The following PALM2AKAP2 variants were observed in gnomAD, a reference collection of about 807,000 sequenced individuals.
PALM2AKAP2 encodes the protein PALM2 and AKAP2 fusion.
A neutral mutation model predicts 71.5 loss-of-function variants in PALM2AKAP2; 37 were observed. The observed-to-expected ratio is 0.52, with a 90% confidence interval of 0.40 to 0.68. PALM2AKAP2 has a LOEUF of 0.68. Ranked by LOEUF, PALM2AKAP2 falls within the 30% of genes least tolerant of loss-of-function variation. The pLI is 0.00. For synonymous variants in PALM2AKAP2, 468 were observed against 478.8 expected (o/e 0.98, Z 0.29); for missense variants, 1,224 against 1,191.8 (o/e 1.03, Z -0.40).
intron 3 of PALM2AKAP2, among the ~76,000 whole-genome samples, chr9:110,160,116 G>T (rs763952718): frequency 7.2e-5 from 11 of 152,122 alleles, no homozygotes; most frequent in Non-Finnish European, 1.5e-4. Context: ...CCTATGCAAG[G>T]CCTTTGTGTG....
chr9:110,034,565 T>C (rs986123074), intron 7 of PALM2AKAP2, among the ~76,000 whole-genome samples: 1 of 151,558 alleles, frequency 6.6e-6, no homozygotes, highest in African/African-American at 2.4e-5. Context: ...ATGCTTTCCC[T>C]ATGGAGAGAA....
upstream of PALM2AKAP2, among the ~76,000 whole-genome samples, chr9:110,045,234 A>G (rs375486485): frequency 4.1e-4 from 62 of 152,338 alleles, 2 homozygotes; most frequent in South Asian, 0.013. Flanking sequence ...CTGTGGGAAC[A>G]TGTAACATTT....
intron 1 of PALM2AKAP2, among the ~76,000 whole-genome samples, chr9:109,697,287 A>T (rs1159290644): frequency 6.6e-6 from 1 of 152,214 alleles, no homozygotes; most frequent in Non-Finnish European, 1.5e-5. Context: ...ATTACCATTT[A>T]TGTTAAAATG....
chr9:109,697,435 G>T (rs972976861), intron 1 of PALM2AKAP2, among the ~76,000 whole-genome samples: 51 of 152,072 alleles, frequency 3.4e-4, no homozygotes, highest in Middle Eastern at 3.4e-3. Context: ...AGTGAATTTT[G>T]CACTATATAC....
chr9:109,763,367 G>A (rs149821500), intron 1 of PALM2AKAP2, among the ~76,000 whole-genome samples: 515 of 152,178 alleles, frequency 3.4e-3, no homozygotes, highest in African/African-American at 0.012. Flanking sequence ...CTGTCGGTAG[G>A]TAAGACCCTG....
At chr9:109,953,618 A>G (rs1252841162) in intron 6 of PALM2AKAP2, among the ~76,000 whole-genome samples, 3 of 152,034 alleles carry the variant, frequency 2.0e-5, no homozygotes, top group Admixed American at 1.3e-4. Context: ...CAGGTGGATC[A>G]TGAGGTCGGA....
intron 1 of PALM2AKAP2, among the ~76,000 whole-genome samples, chr9:109,832,771 C>A (rs575758655): frequency 1.3e-5 from 2 of 152,240 alleles, no homozygotes; most frequent in South Asian, 4.2e-4. Context: ...ACAGATTATC[C>A]GACACAATTT....
intron 6 of PALM2AKAP2, among the ~76,000 whole-genome samples, chr9:109,983,464 C>A (rs561691691): frequency 6.6e-6 from 1 of 152,086 alleles, no homozygotes; most frequent in Non-Finnish European, 1.5e-5. Flanking sequence ...CTCTCTCCCT[C>A]TTCTTTTCCT....
At chr9:110,118,854 C>T (rs940335177) in intron 1 of PALM2AKAP2, among the ~76,000 whole-genome samples, 1 of 152,102 alleles carries the variant, frequency 6.6e-6, no homozygotes, top group South Asian at 2.1e-4. Flanking sequence ...TATAGATACA[C>T]ACATACCTAC....
At chr9:110,024,326 A>C (rs1262041606) in intron 7 of PALM2AKAP2, among the ~76,000 whole-genome samples, 1 of 152,116 alleles carries the variant, frequency 6.6e-6, no homozygotes, top group African/African-American at 2.4e-5. Context: ...TGTTTCTATA[A>C]ATTTGCCTGT....
intron 6 of PALM2AKAP2, among the ~76,000 whole-genome samples, chr9:109,957,844 C>T (rs1588032799): frequency 6.6e-6 from 1 of 152,192 alleles, no homozygotes; most frequent in African/African-American, 2.4e-5. Flanking sequence ...AATGGAGATT[C>T]AGCCAGTGTT....
chr9:109,982,431 G>T (rs1832290324), intron 6 of PALM2AKAP2, among the ~76,000 whole-genome samples: 1 of 152,124 alleles, frequency 6.6e-6, no homozygotes, highest in African/African-American at 2.4e-5. Flanking sequence ...ATAATTTATT[G>T]TACGTTTTAA....
At chr9:109,926,695 T>G (rs1011773851) in intron 5 of PALM2AKAP2, among the ~76,000 whole-genome samples, 2 of 152,168 alleles carry the variant, frequency 1.3e-5, no homozygotes, top group African/African-American at 4.8e-5. Context: ...TTTCACTTTT[T>G]TTTTCCCTTC....
chr9:109,737,066 G>A (rs1200230031), intron 1 of PALM2AKAP2, among the ~76,000 whole-genome samples: 1 of 152,202 alleles, frequency 6.6e-6, no homozygotes, highest in Non-Finnish European at 1.5e-5. Context: ...TTATCGCTAG[G>A]GAGGCATCAT....
intron 6 of PALM2AKAP2, chr9:109,943,321 A>G (rs201406804): frequency 1.2e-5 from 20 of 1,614,102 alleles, no homozygotes; most frequent in Admixed American, 3.3e-5. Context: ...GGTCTCAGAC[A>G]CCACAGAGCC....
chr9:109,851,245 C>T (rs1829009329), intron 1 of PALM2AKAP2, among the ~76,000 whole-genome samples: 1 of 151,512 alleles, frequency 6.6e-6, no homozygotes, highest in African/African-American at 2.4e-5. Context: ...GTGTTTACAG[C>T]CTTGAGTGCC....
rs558113653 is a variant in PALM2AKAP2, at chr9:109,730,703, T to A, written c.6-49785T>A. On this transcript the variant is annotated intron_variant, in intron 1 of 6. Transcript: ENST00000374531. ...TTTATCTCCTTTTATAAGTTTAGGA[T>A]ATGAATAAGAAGAGTCCTTAAGGAA... Among the ~76,000 whole-genome samples, 4 of 152,304 alleles carry A rather than the reference T, an allele frequency of 2.6e-5. No homozygotes were observed. The East Asian group carries it at 7.7e-4, about 29-fold the overall frequency.
chr9:109,723,430 G>A (rs544314923), intron 1 of PALM2AKAP2, among the ~76,000 whole-genome samples: 42 of 152,210 alleles, frequency 2.8e-4, no homozygotes, highest in Non-Finnish European at 3.4e-4. Flanking sequence ...ATGTTACCAG[G>A]TAGCAAAAGA....
chr9:110,022,875 A>G (rs1297265359), intron 7 of PALM2AKAP2, among the ~76,000 whole-genome samples: 1 of 152,130 alleles, frequency 6.6e-6, no homozygotes, highest in African/African-American at 2.4e-5. Flanking sequence ...GATGGTTTCC[A>G]GTTTCATCCA....
Sources: gnomAD v4.1 joint callset for allele counts (sites outside exome capture counted in the v4.1 genomes callset) on GRCh38, gnomAD v4.1.1 for gene constraint, MANE v1.5 for transcripts, NCBI Gene and HGNC (gene_info 2026-07-23, HGNC 2026-07-21) for gene names.